ATG10: variants seen among roughly 807,000 people sequenced by gnomAD.
The protein encoded by ATG10 is autophagy related 10, also known as ubiquitin-like-conjugating enzyme ATG10.
Under a neutral mutation model 32.1 loss-of-function variants are expected in ATG10, and 30 were observed. That is an observed-to-expected ratio of 0.94 (90% CI 0.70 to 1.27). ATG10 has a LOEUF of 1.27. Ranked by LOEUF, ATG10 falls within the 50% of genes most tolerant of loss-of-function variation. The pLI is 0.00. For missense variants in ATG10, 233 were observed against 262.3 expected, an observed-to-expected ratio of 0.89 and a Z score of 0.77; for synonymous variants, 87 against 91.5, an observed-to-expected ratio of 0.95 and a Z score of 0.28.
chr5:82,074,166 T>G (rs1167801507), intron 3 of ATG10, among the ~76,000 whole-genome samples: 1 of 152,228 alleles, frequency 6.6e-6, no homozygotes, highest in Non-Finnish European at 1.5e-5. Flanking sequence ...CAAAGAACTT[T>G]GCTTCATCAA....
At chr5:82,132,785 C>A (rs1766593439) in intron 3 of ATG10, among the ~76,000 whole-genome samples, 1 of 151,978 alleles carries the variant, frequency 6.6e-6, no homozygotes, top group Non-Finnish European at 1.5e-5. Flanking sequence ...AAATGGTATT[C>A]CTAGTTCTAG....
intron 5 of ATG10, among the ~76,000 whole-genome samples, chr5:82,223,283 A>G (rs979150852): frequency 6.6e-6 from 1 of 152,238 alleles, no homozygotes; most frequent in Non-Finnish European, 1.5e-5. Context: ...TTTAGATGGA[A>G]AAAGCAAATT....
chr5:81,996,259 C>G (rs1761660529), intron 2 of ATG10, among the ~76,000 whole-genome samples: 1 of 152,154 alleles, frequency 6.6e-6, no homozygotes, highest in Admixed American at 6.5e-5. Context: ...GTTAATGGTG[C>G]TAAGGTCAGT....
intron 2 of ATG10, among the ~76,000 whole-genome samples, chr5:82,025,210 T>C (rs930610398): frequency 6.6e-6 from 1 of 152,212 alleles, no homozygotes; most frequent in African/African-American, 2.4e-5. Context: ...GGACAAGCAA[T>C]CATAATATAA....
intron 3 of ATG10, among the ~76,000 whole-genome samples, chr5:82,064,066 A>G (rs1763868236): frequency 6.6e-6 from 1 of 152,234 alleles, no homozygotes; most frequent in Admixed American, 6.5e-5. Flanking sequence ...AATTTGTACA[A>G]ATTATCAAAT....
chr5:82,062,853 T>C (rs577975629), intron 3 of ATG10, among the ~76,000 whole-genome samples: 1 of 152,248 alleles, frequency 6.6e-6, no homozygotes, highest in East Asian at 1.9e-4. Flanking sequence ...TTTAAAGCAT[T>C]CCATTTGAAC....
chr5:82,096,842 A>G (rs1327017307), intron 3 of ATG10, among the ~76,000 whole-genome samples: 1 of 152,088 alleles, frequency 6.6e-6, no homozygotes, highest in Non-Finnish European at 1.5e-5. Context: ...CCACCTCTCC[A>G]CTGCCCCAAT....
chr5:82,198,369 C>T (rs1471962280), intron 5 of ATG10, among the ~76,000 whole-genome samples: 2 of 152,132 alleles, frequency 1.3e-5, no homozygotes, highest in Admixed American at 1.3e-4. Context: ...ATTCTTGTGC[C>T]TCCACCACCC....
intron 1 of ATG10, among the ~76,000 whole-genome samples, chr5:81,984,199 C>T (rs1193044343): frequency 6.6e-6 from 1 of 152,270 alleles, no homozygotes; most frequent in African/African-American, 2.4e-5. Context: ...CCGAGGCTGG[C>T]GGATCACTCG....
At chr5:82,086,086 G>A (rs1002157716) in intron 3 of ATG10, among the ~76,000 whole-genome samples, 3 of 151,944 alleles carry the variant, frequency 2.0e-5, no homozygotes, top group Non-Finnish European at 4.4e-5. Context: ...TTCAGTAAAA[G>A]GTGTTTGATT....
Position 81,987,614 on chromosome 5 carries a change from A to G in ATG10, c.44A>G (p.Tyr15Cys). 1.2e-6 allele frequency: 2 copies of G among 1,612,908 alleles called. No homozygotes were observed. The highest frequency in any genetic ancestry group is 1.7e-6 in the Non-Finnish European group (2 of 1,179,624). The change falls in exon 2 of 8, where the codon TAT becomes TGT. Residue 15 changes from tyrosine (Y) to cysteine (C), a missense_variant. By Grantham distance (194) the Tyr-to-Cys change is radical (BLOSUM62 -2). Transcript: ENST00000282185. The part of the protein sequence containing the change: ...EFIGEKTFQR[Y>C]CAEFIKHSQQ... Reference sequence around the variant, plus strand: ...ATTGGAGAAAAAACATTCCAACGTTATTGTGCAGAATTCATTAAACATTCA... The same window carrying G: ...ATTGGAGAAAAAACATTCCAACGTTGTTGTGCAGAATTCATTAAACATTCA...
chr5:81,989,128 C>A (rs928678812), intron 2 of ATG10, among the ~76,000 whole-genome samples: 1 of 152,226 alleles, frequency 6.6e-6, no homozygotes, highest in Non-Finnish European at 1.5e-5. Flanking sequence ...CACACTTGGC[C>A]TCTGTCAAAA....
intron 3 of ATG10, among the ~76,000 whole-genome samples, chr5:82,106,882 G>C (rs1274048983): frequency 6.6e-6 from 1 of 151,976 alleles, no homozygotes; most frequent in Non-Finnish European, 1.5e-5. Flanking sequence ...AGCAGTCAGT[G>C]TACTGTGGTA....
chr5:82,027,214 C>G (rs185364744), intron 2 of ATG10, among the ~76,000 whole-genome samples: 2 of 151,886 alleles, frequency 1.3e-5, no homozygotes, highest in Non-Finnish European at 2.9e-5. Flanking sequence ...GCCTGGGCAA[C>G]GTAGTGTGAC....
chr5:82,047,774 G>A (rs370397011), intron 2 of ATG10, among the ~76,000 whole-genome samples: 13 of 152,160 alleles, frequency 8.5e-5, no homozygotes, highest in African/African-American at 2.2e-4. Context: ...TGGTAGGTTC[G>A]AGAGCTTCCA....
At chr5:81,972,992 ATGATAT>A (rs1760768865) in intron 1 of ATG10, among the ~76,000 whole-genome samples, 1 of 152,170 alleles carries the variant, frequency 6.6e-6, no homozygotes, top group South Asian at 2.1e-4. Flanking sequence ...GTTTGGCATG[ATGATAT>A]TGATTAGGGC....
chr5:82,039,047 A>G (rs1311871416), intron 2 of ATG10, among the ~76,000 whole-genome samples: 1 of 151,970 alleles, frequency 6.6e-6, no homozygotes, highest in Non-Finnish European at 1.5e-5. Flanking sequence ...GAGTCTCACT[A>G]TTTGCCCAGG....
chr5:82,022,699 A>C (rs1762478970), intron 2 of ATG10, among the ~76,000 whole-genome samples: 1 of 149,316 alleles, frequency 6.7e-6, no homozygotes, highest in African/African-American at 2.5e-5. Flanking sequence ...TTATTTACAT[A>C]TATCTCATTT....
intron 3 of ATG10, among the ~76,000 whole-genome samples, chr5:82,150,681 A>T (rs1425423170): frequency 6.6e-6 from 1 of 152,180 alleles, no homozygotes; most frequent in Non-Finnish European, 1.5e-5. Flanking sequence ...CCCTTCACAC[A>T]GTCGTCCACA....
Sources: allele counts gnomAD v4.1 joint callset (sites outside exome capture counted in the v4.1 genomes callset), GRCh38; gene constraint gnomAD v4.1.1; transcripts MANE v1.5; gene names NCBI Gene and HGNC (gene_info 2026-07-23, HGNC 2026-07-21).